The following PTPRD variants were observed in gnomAD, a reference collection of about 807,000 sequenced individuals.
PTPRD encodes the protein protein tyrosine phosphatase receptor type D.
A neutral mutation model predicts 214.5 loss-of-function variants in PTPRD; 34 were observed. The ratio of observed to expected loss-of-function variants is 0.16; its 90% CI spans 0.12 to 0.21. The LOEUF is 0.21. Among genes scored for constraint, PTPRD ranks in the 10% least tolerant of loss-of-function variants. The pLI is 1.00. For missense variants in PTPRD, 2,545 were observed against 2,398.7 expected, an observed-to-expected ratio of 1.06 and a Z score of -1.27; for synonymous variants, 1,128 against 845.7, an observed-to-expected ratio of 1.33 and a Z score of -5.79.
At chr9:8,797,285 T>C (rs148226564) in intron 11 of PTPRD, 307 of 152,338 alleles carry the variant, frequency 2.0e-3, no homozygotes, top group African/African-American at 7.1e-3. Context: ...GATTTACTCC[T>C]AGTTCTTCTC....
At chr9:8,901,209 A>G (rs753243190) in intron 11 of PTPRD, among the ~76,000 whole-genome samples, 14 of 152,184 alleles carry the variant, frequency 9.2e-5, no homozygotes, top group Non-Finnish European at 1.9e-4. Context: ...GTATACCACG[A>G]CACAAATCTA....
At chr9:9,469,868 C>G (rs1303376806) in intron 8 of PTPRD, among the ~76,000 whole-genome samples, 2 of 152,088 alleles carry the variant, frequency 1.3e-5, no homozygotes, top group Non-Finnish European at 2.9e-5. Flanking sequence ...AATGAGGGGT[C>G]AGAATACCGT....
intron 14 of PTPRD, among the ~76,000 whole-genome samples, chr9:8,540,991 G>C (rs1207996552): frequency 6.6e-6 from 1 of 152,066 alleles, no homozygotes; most frequent in Admixed American, 6.6e-5. Flanking sequence ...TCTTTAGAGG[G>C]TGTCTTGAAA....
rs530498078 is a variant in PTPRD at position 10,043,960 on chromosome 9, T to C, written c.-544-10170A>G. Reference sequence around the variant, plus strand: ...TATTCTGATTACTGGCTATTTTTTATTATTTGTAACACAGAGACAAAAGCT... The same window carrying C: ...TATTCTGATTACTGGCTATTTTTTACTATTTGTAACACAGAGACAAAAGCT... On this transcript the variant is annotated intron_variant, in intron 3 of 45. Coordinates refer to ENST00000381196, the MANE Select transcript of PTPRD (RefSeq NM_002839.4). 1.0e-3 allele frequency among the ~76,000 whole-genome samples: 153 copies of C among 152,022 alleles called. 1 individual carries two copies. Among genetic ancestry groups the C allele is most frequent in the Admixed American group, 5.1e-3 (77 of 15,218 alleles).
chr9:9,320,129 A>G (rs1310484970), intron 9 of PTPRD, among the ~76,000 whole-genome samples: 2 of 152,186 alleles, frequency 1.3e-5, no homozygotes, highest in South Asian at 4.1e-4. Flanking sequence ...ATTTAGGTAT[A>G]TAAGAATTCC....
At chr9:9,350,109 G>A (rs2050533846) in intron 9 of PTPRD, among the ~76,000 whole-genome samples, 1 of 152,030 alleles carries the variant, frequency 6.6e-6, no homozygotes, top group Non-Finnish European at 1.5e-5. Context: ...CTTTGCTGAT[G>A]TAGAACACCC....
chr9:8,660,587 C>A (rs2097021682), intron 12 of PTPRD, among the ~76,000 whole-genome samples: 1 of 152,152 alleles, frequency 6.6e-6, no homozygotes, highest in South Asian at 2.1e-4. Flanking sequence ...CCCAGCCCCT[C>A]AGTGAACTTC....
At chr9:8,760,892 G>C (rs1456770059) in intron 11 of PTPRD, among the ~76,000 whole-genome samples, 1 of 152,180 alleles carries the variant, frequency 6.6e-6, no homozygotes, top group African/African-American at 2.4e-5. Context: ...TTTGGGATTA[G>C]TGAAGATGTG....
chr9:8,454,799 C>A (rs1590964226), intron 33 of PTPRD, among the ~76,000 whole-genome samples: 1 of 139,362 alleles, frequency 7.2e-6, no homozygotes, highest in South Asian at 2.4e-4. Flanking sequence ...GAAGTTACAT[C>A]ACTGAATACA....
intron 9 of PTPRD, among the ~76,000 whole-genome samples, chr9:9,252,672 G>A (rs1370881274): frequency 6.6e-6 from 1 of 151,854 alleles, no homozygotes; most frequent in African/African-American, 2.4e-5. Flanking sequence ...GTAGAGTTGT[G>A]GTCTTTCTAT....
At chr9:9,718,002 C>T (rs191191340) in intron 7 of PTPRD, among the ~76,000 whole-genome samples, 13 of 152,090 alleles carry the variant, frequency 8.5e-5, no homozygotes, top group African/African-American at 3.1e-4. Flanking sequence ...CAAAAAATAC[C>T]CTCACAAAAT....
At chr9:9,756,712 T>C (rs2098586997) in intron 6 of PTPRD, among the ~76,000 whole-genome samples, 1 of 152,300 alleles carries the variant, frequency 6.6e-6, no homozygotes, top group Non-Finnish European at 1.5e-5. Context: ...TTAACATGGT[T>C]ATTTTTATGG....
chr9:8,802,577 G>A (rs574561370), intron 11 of PTPRD, among the ~76,000 whole-genome samples: 2 of 152,300 alleles, frequency 1.3e-5, no homozygotes, highest in Non-Finnish European at 2.9e-5. Context: ...CAGCCTGCAG[G>A]AAGTTCCCAA....
At chr9:10,065,884 T>G (rs181200186) in intron 3 of PTPRD, among the ~76,000 whole-genome samples, 1 of 151,980 alleles carries the variant, frequency 6.6e-6, no homozygotes, top group East Asian at 1.9e-4. Flanking sequence ...TCCAACCAAT[T>G]TCTTCTTTAT....
chr9:8,796,955 G>A (rs1329881732), intron 11 of PTPRD, among the ~76,000 whole-genome samples: 2 of 151,656 alleles, frequency 1.3e-5, no homozygotes, highest in Non-Finnish European at 2.9e-5. Context: ...CTAGTTTATG[G>A]AATTGAATAA....
At chr9:8,632,836 T>C (rs2154318897) in intron 14 of PTPRD, among the ~76,000 whole-genome samples, 1 of 152,156 alleles carries the variant, frequency 6.6e-6, no homozygotes, top group South Asian at 2.1e-4. Context: ...GTATTTTTTT[T>C]CACATAAGAC....
chr9:9,518,706 A>G (rs2096894248), intron 8 of PTPRD, among the ~76,000 whole-genome samples: 1 of 152,052 alleles, frequency 6.6e-6, no homozygotes, highest in South Asian at 2.1e-4. Context: ...TGTGTGAAAG[A>G]GTTTTAATGT....
At chr9:10,166,838 T>C (rs1458127856) in intron 3 of PTPRD, among the ~76,000 whole-genome samples, 15 of 152,132 alleles carry the variant, frequency 9.9e-5, no homozygotes, top group Admixed American at 9.8e-4. Flanking sequence ...TTCTGAAATA[T>C]TTTGGTAGTT....
At chr9:9,708,082 G>C (rs769913636) in intron 7 of PTPRD, among the ~76,000 whole-genome samples, 1 of 151,998 alleles carries the variant, frequency 6.6e-6, no homozygotes, top group Non-Finnish European at 1.5e-5. Context: ...AGATGTCTCC[G>C]TAAGAACTGG....
Sources: allele counts gnomAD v4.1 joint callset (sites outside exome capture counted in the v4.1 genomes callset), GRCh38; gene constraint gnomAD v4.1.1; transcripts MANE v1.5; gene names NCBI Gene and HGNC (gene_info 2026-07-23, HGNC 2026-07-21).